Variants in ADGRL3 observed in about 807,000 individuals in gnomAD.
ADGRL3 encodes the protein calcium-independent alpha-latrotoxin receptor 3.
In ADGRL3, 62 loss-of-function variants were observed where a neutral mutation model predicts 153.5. That is an observed-to-expected ratio of 0.40 (90% CI 0.33 to 0.50). ADGRL3 has a LOEUF of 0.50. ADGRL3 is among the 20% of genes least tolerant of loss of function. ADGRL3 has a pLI of 0.47. For missense variants in ADGRL3, 1,641 were observed against 1,859.4 expected (o/e 0.88, Z 2.16); for synonymous variants, 710 against 672.5 (o/e 1.06, Z -0.86).
chr4:61,532,044 A>G (rs1225614034), intron 4 of ADGRL3, among the ~76,000 whole-genome samples: 1 of 152,208 alleles, frequency 6.6e-6, no homozygotes, highest in East Asian at 1.9e-4. Context: ...GTTTTATAAC[A>G]TGAAATAATC....
chr4:61,641,622 A>G (rs1224890342), intron 5 of ADGRL3, among the ~76,000 whole-genome samples: 2 of 151,750 alleles, frequency 1.3e-5, no homozygotes, highest in Admixed American at 1.3e-4. Flanking sequence ...GAACTCATCA[A>G]TTTTTATGGC....
At chr4:61,762,882 A>G (rs1012847746) in intron 8 of ADGRL3, among the ~76,000 whole-genome samples, 2 of 152,122 alleles carry the variant, frequency 1.3e-5, no homozygotes, top group Non-Finnish European at 2.9e-5. Flanking sequence ...AAATAAATCC[A>G]TTCTATCTTA....
At chr4:61,556,654 A>G (rs547677777) in intron 4 of ADGRL3, among the ~76,000 whole-genome samples, 12 of 152,338 alleles carry the variant, frequency 7.9e-5, no homozygotes, top group African/African-American at 2.6e-4. Context: ...CTCAACAAAC[A>G]CAGATGCTTT....
intron 1 of ADGRL3, among the ~76,000 whole-genome samples, chr4:61,356,646 A>AT (rs2096177041): frequency 6.6e-6 from 1 of 152,076 alleles, no homozygotes; most frequent in Non-Finnish European, 1.5e-5. Flanking sequence ...AGCTTCTTGA[A>AT]TTTTTGCTTC....
chr4:61,406,612 T>G, intron 2 of ADGRL3, among the ~76,000 whole-genome samples: 1 of 152,048 alleles, frequency 6.6e-6, no homozygotes, highest in Non-Finnish European at 1.5e-5. Flanking sequence ...ATTTAACTTT[T>G]TTCCTTTTAT....
intron 4 of ADGRL3, among the ~76,000 whole-genome samples, chr4:61,548,004 A>T (rs2148752303): frequency 6.6e-6 from 1 of 151,898 alleles, no homozygotes; most frequent in East Asian, 1.9e-4. Flanking sequence ...AGTGATGTTG[A>T]GTATTTTTTC....
At chr4:61,966,545 A>G in intron 17 of ADGRL3, among the ~76,000 whole-genome samples, 1 of 151,270 alleles carries the variant, frequency 6.6e-6, no homozygotes, top group Admixed American at 6.6e-5. Flanking sequence ...CACATCACCC[A>G]ACACCTTTAA....
chr4:61,549,379 C>A (rs1420801098), intron 4 of ADGRL3, among the ~76,000 whole-genome samples: 1 of 152,002 alleles, frequency 6.6e-6, no homozygotes, highest in East Asian at 1.9e-4. Context: ...TGAGAGAGGG[C>A]ATCTTTGTCT....
chr4:61,978,228 C>G (rs1468244850), intron 17 of ADGRL3, among the ~76,000 whole-genome samples: 1 of 151,958 alleles, frequency 6.6e-6, no homozygotes. Flanking sequence ...CATGTTTATA[C>G]TTTTACCAAT....
chr4:61,804,853 C>A (rs905500432), intron 8 of ADGRL3, among the ~76,000 whole-genome samples: 1 of 152,032 alleles, frequency 6.6e-6, no homozygotes, highest in African/African-American at 2.4e-5. Flanking sequence ...GCCTTCCTTG[C>A]GGGGAGAGGG....
At chr4:61,860,989 A>G (rs750701101) in intron 9 of ADGRL3, among the ~76,000 whole-genome samples, 5 of 152,196 alleles carry the variant, frequency 3.3e-5, no homozygotes, top group Non-Finnish European at 5.9e-5. Flanking sequence ...TAAATCACTC[A>G]TCATTTTGTG....
Position 61,517,495 on chromosome 4 carries a change from A to G in ADGRL3, c.236A>G (p.Gln79Arg). The change falls in exon 4 of 27, where the codon CAA becomes CGA. Residue 79 changes from glutamine (Q) to arginine (R), a missense_variant. Physicochemically the swap from Gln to Arg is conservative, Grantham distance 43. Coordinates refer to ENST00000683033, the MANE Select transcript of ADGRL3 (RefSeq NM_001387552.1). ...AGAGGAGTTCGCGGTCCAGGTGCCC[A>G]AGGAGCACAGATTGCAGCGCAAGGT... ...ATRGVRGPGA[Q>R]GAQIAAQAFS... 1.4e-6 allele frequency: 1 copy of G among 716,872 alleles called. No individual in the cohort carries two copies. 44.4% of individuals were successfully genotyped at this position (716,872 alleles called of 1,614,324 possible).
chr4:61,756,698 G>A (rs57754511), intron 8 of ADGRL3, among the ~76,000 whole-genome samples: 13,288 of 152,088 alleles, frequency 0.087, 1,222 homozygotes, highest in African/African-American at 0.23. Flanking sequence ...GTCTTGTGCC[G>A]GTTTCCAAAG....
In ADGRL3 at chr4:61,607,007, G is replaced by A. The variant is rs182939906; in HGVS notation, c.473+19567G>A. Among the ~76,000 whole-genome samples, 132 of 152,280 alleles carry A rather than the reference G, an allele frequency of 8.7e-4. 1 individual carries two copies. Among genetic ancestry groups the A allele is most frequent in the African/African-American group, 2.9e-3 (120 of 41,558 alleles). ...AGCAATTCACTGAGACTGTGGTATTGCAGTAAAGAAAGAGTTAAATTAACA... is the reference window on the plus strand; with the variant it reads ...AGCAATTCACTGAGACTGTGGTATTACAGTAAAGAAAGAGTTAAATTAACA... On this transcript the variant is annotated intron_variant, in intron 5 of 26. Transcript: ENST00000683033.
At chr4:61,983,928 G>A (rs2099076860) in intron 19 of ADGRL3, among the ~76,000 whole-genome samples, 1 of 152,146 alleles carries the variant, frequency 6.6e-6, no homozygotes, top group Admixed American at 6.5e-5. Flanking sequence ...CTATTTGCTA[G>A]CATAGGATGG....
chr4:61,948,023 T>A (rs2150315297), intron 16 of ADGRL3, 77 bp from the exon 17 acceptor site: 1 of 1,183,500 alleles, frequency 8.4e-7, no homozygotes, highest in South Asian at 1.5e-5. Flanking sequence ...AGTTGTATTA[T>A]ATGTAAAGAA....
Position 61,428,856 on chromosome 4 carries a change from T to TATC in ADGRL3, c.-174+45668_-174+45670dup, listed in dbSNP as rs1159578474. On this transcript the variant is annotated intron_variant, in intron 2 of 26. Coordinates refer to ENST00000683033, the MANE Select transcript of ADGRL3 (RefSeq NM_001387552.1). ...TTATCTATCTATCTATCTATCTATC[T>TATC]ATCTATCTATCTATCTATATCATCT... Among the ~76,000 whole-genome samples the TATC allele has an allele frequency of 6.3e-5, 8 of 126,326 alleles. No homozygotes were observed. In the East Asian group the frequency reaches 1.8e-3, roughly 28 times the overall value. The allele number at this position is 126,326 out of a possible 152,430, so 82.9% of individuals were successfully genotyped here. A position where few individuals can be genotyped will look rare whatever the true frequency, so the allele number is the denominator to read the frequency against.
At chr4:61,745,374 C>T (rs1168323578) in intron 8 of ADGRL3, among the ~76,000 whole-genome samples, 2 of 152,036 alleles carry the variant, frequency 1.3e-5, no homozygotes, top group Non-Finnish European at 2.9e-5. Context: ...CAAAGATACT[C>T]CTCGAGAAGA....
intron 21 of ADGRL3, among the ~76,000 whole-genome samples, chr4:62,011,011 C>A (rs1409341843): frequency 3.3e-5 from 5 of 152,018 alleles, no homozygotes; most frequent in Admixed American, 6.6e-5. Flanking sequence ...AGGTAAAACT[C>A]AAAAATATCC....
Sources: gnomAD v4.1 joint callset for allele counts (sites outside exome capture counted in the v4.1 genomes callset) on GRCh38, gnomAD v4.1.1 for gene constraint, MANE v1.5 for transcripts, NCBI Gene and HGNC (gene_info 2026-07-23, HGNC 2026-07-21) for gene names.